The following C4orf51 variants were observed in gnomAD, a reference collection of about 807,000 sequenced individuals.
The protein encoded by C4orf51 is chromosome 4 open reading frame 51.
A neutral mutation model predicts 25.2 loss-of-function variants in C4orf51; 25 were observed. That is an observed-to-expected ratio of 0.99 (90% CI 0.72 to 1.39). The LOEUF (loss-of-function observed/expected upper bound fraction) is 1.39. Ranked by LOEUF, C4orf51 falls within the 40% of genes most tolerant of loss-of-function variation. The pLI, the probability that C4orf51 is intolerant of heterozygous loss-of-function variation, is 0.00. For synonymous variants in C4orf51, 100 were observed against 84.5 expected (o/e 1.18, Z -1.01); for missense variants, 252 against 239.6 (o/e 1.05, Z -0.34).
At chr4:145,753,112 C>T (rs1051336195) in intron 1 of C4orf51, among the ~76,000 whole-genome samples, 38 of 150,938 alleles carry the variant, frequency 2.5e-4, no homozygotes, top group African/African-American at 8.8e-4. Context: ...TGTGATTGCT[C>T]ACCTGATTTT....
intron 1 of C4orf51, among the ~76,000 whole-genome samples, chr4:145,746,274 C>G (rs778458991): frequency 3.4e-4 from 51 of 152,116 alleles, no homozygotes; most frequent in Non-Finnish European, 5.7e-4. Flanking sequence ...TGGGGTATAA[C>G]TCAAGAAATC....
intron 2 of C4orf51, among the ~76,000 whole-genome samples, chr4:145,716,945 T>C (rs1731450558): frequency 6.6e-6 from 1 of 152,178 alleles, no homozygotes; most frequent in Non-Finnish European, 1.5e-5. Flanking sequence ...GTAAAGAACA[T>C]AAAATTGAAA....
the C4orf51 span, among the ~76,000 whole-genome samples, chr4:145,779,963 A>C: frequency 6.6e-6 from 1 of 152,154 alleles, no homozygotes; most frequent in Non-Finnish European, 1.5e-5. Flanking sequence ...GGCTGAGGCG[A>C]GTAGATCACT....
At chr4:145,687,492 G>T (rs1467275439) in intron 1 of C4orf51, among the ~76,000 whole-genome samples, 1 of 152,036 alleles carries the variant, frequency 6.6e-6, no homozygotes, top group Admixed American at 6.6e-5. Context: ...AAATTTTCAG[G>T]GTTCACATCT....
intron 1 of C4orf51, among the ~76,000 whole-genome samples, chr4:145,691,526 A>C (rs1460413619): frequency 6.6e-6 from 1 of 152,240 alleles, no homozygotes; most frequent in Non-Finnish European, 1.5e-5. Context: ...ACCATAGCAA[A>C]GACATGGAAT....
At chr4:145,724,353 T>C (rs1403244985) in intron 2 of C4orf51, among the ~76,000 whole-genome samples, 1 of 152,200 alleles carries the variant, frequency 6.6e-6, no homozygotes, top group Non-Finnish European at 1.5e-5. Flanking sequence ...TTCTTGAATT[T>C]AGCTAAGTAA....
At chr4:145,689,659 A>G (rs1449043657) in intron 1 of C4orf51, among the ~76,000 whole-genome samples, 1 of 152,164 alleles carries the variant, frequency 6.6e-6, no homozygotes, top group Non-Finnish European at 1.5e-5. Flanking sequence ...GACTATTAAT[A>G]TTAAGTGTCA....
intron 1 of C4orf51, among the ~76,000 whole-genome samples, chr4:145,767,188 TAAGTA>T (rs2126881845): frequency 6.6e-6 from 1 of 152,306 alleles, no homozygotes; most frequent in South Asian, 2.1e-4. Flanking sequence ...TTCAAGAAGT[TAAGTA>T]GAGACATGGA....
chr4:145,763,811 T>A lies in C4orf51; in HGVS notation n.167-7177T>A, dbSNP rs527664141. 2.6e-5 allele frequency among the ~76,000 whole-genome samples: 4 copies of A among 152,334 alleles called. No homozygotes were observed. In the South Asian group the frequency reaches 8.3e-4, roughly 32 times the overall value. On this transcript the variant is annotated intron_variant and non_coding_transcript_variant, in intron 1 of 1. Transcript: ENST00000510096. This position sits in a 1 kb window ranked among gnomAD's most constrained non-coding sequence, Gnocchi z 4.6. ...TCCTAGGCATTTCCCATCTACTGGT[T>A]TCCTTGAATTATAATCACCCCCTCC...
At chr4:145,726,439 G>A (rs1403671508) in intron 2 of C4orf51, among the ~76,000 whole-genome samples, 1 of 152,102 alleles carries the variant, frequency 6.6e-6, no homozygotes, top group Non-Finnish European at 1.5e-5. Flanking sequence ...GTCTTGCTCT[G>A]TTGCCCAGGC....
intron 2 of C4orf51, among the ~76,000 whole-genome samples, chr4:145,698,989 G>T (rs1321755918): frequency 6.6e-6 from 1 of 151,776 alleles, no homozygotes; most frequent in African/African-American, 2.4e-5. Flanking sequence ...GCCGGTCCTT[G>T]CCTTAACTGA....
Position 145,765,448 on chromosome 4 carries a change from T to C in C4orf51, n.167-5540T>C. The C allele has an allele frequency of 7.2e-7, 1 of 1,389,166 alleles. No individual in the cohort carries two copies. The highest frequency in any genetic ancestry group is 2.3e-5 in the East Asian group (1 of 42,614). 86.1% of individuals were successfully genotyped at this position (1,389,166 alleles called of 1,614,324 possible). On this transcript the variant is annotated intron_variant and non_coding_transcript_variant, in intron 1 of 1. Coordinates refer to the C4orf51 transcript ENST00000510096. The surrounding 1 kb of genome is among the most constrained non-coding windows in gnomAD (Gnocchi z 4.7). The stretch of plus-strand genomic sequence containing the variant: ...CCAGCATACTGCATCCTGGGCCTAT[T>C]ATCAGTTTTTGACATCGCTCCTGTG...
chr4:145,779,581 A>C, the C4orf51 span: 2 of 1,566,136 alleles, frequency 1.3e-6, no homozygotes, highest in African/African-American at 2.7e-5. Flanking sequence ...GTCAACATTC[A>C]GGATTTCAGC....
chr4:145,750,773 C>G (rs1361757466), intron 1 of C4orf51, among the ~76,000 whole-genome samples: 2 of 152,112 alleles, frequency 1.3e-5, no homozygotes, highest in Admixed American at 1.3e-4. Flanking sequence ...GCCAATAACT[C>G]TTAGATTTGC....
intron 1 of C4orf51, among the ~76,000 whole-genome samples, chr4:145,692,258 C>A (rs1729628102): frequency 6.6e-6 from 1 of 152,132 alleles, no homozygotes; most frequent in African/African-American, 2.4e-5. Context: ...TAAGAAAAAA[C>A]TATGGTTCCA....
chr4:145,761,694 C>G lies in C4orf51; in HGVS notation n.167-9294C>G, dbSNP rs537832563. On this transcript the variant is annotated intron_variant and non_coding_transcript_variant, in intron 1 of 1. Transcript: ENST00000510096. This position sits in a 1 kb window ranked among gnomAD's most constrained non-coding sequence, Gnocchi z 6.8. ...CACCAGCCTTCCCTCACACCACCCC[C>G]CAGTGTCTGAGGCCTGGCCTGCCCA... 1.7e-5 allele frequency: 13 copies of G among 781,522 alleles called. No individual in the cohort carries two copies. The Admixed American group carries it at 3.4e-4, about 21-fold the overall frequency. 48.4% of individuals were successfully genotyped at this position (781,522 alleles called of 1,614,324 possible). A position where few individuals can be genotyped will look rare whatever the true frequency, so the allele number is the denominator to read the frequency against.
In C4orf51 at chr4:145,763,989, C is replaced by T. The variant is rs1290169343; in HGVS notation, n.167-6999C>T. ...CCAACCTGCACTGACCCCAACACTCCACTCCCAGGGTCTTTTCCATCTCTC... is the reference window on the plus strand; with the variant it reads ...CCAACCTGCACTGACCCCAACACTCTACTCCCAGGGTCTTTTCCATCTCTC... On this transcript the variant is annotated intron_variant and non_coding_transcript_variant, in intron 1 of 1. Coordinates refer to the C4orf51 transcript ENST00000510096. The surrounding 1 kb of genome is among the most constrained non-coding windows in gnomAD (Gnocchi z 4.6). 2.0e-5 allele frequency among the ~76,000 whole-genome samples: 3 copies of T among 152,166 alleles called. No individual in the cohort carries two copies. The East Asian group carries it at 5.8e-4, about 29-fold the overall frequency.
At chr4:145,714,104 G>T (rs767380714) in intron 2 of C4orf51, among the ~76,000 whole-genome samples, 3 of 152,132 alleles carry the variant, frequency 2.0e-5, no homozygotes, top group Non-Finnish European at 4.4e-5. Context: ...TAGACATAAT[G>T]CTATTGCACA....
chr4:145,767,825 A>C (rs910331863), intron 1 of C4orf51, among the ~76,000 whole-genome samples: 1 of 152,250 alleles, frequency 6.6e-6, no homozygotes, highest in East Asian at 1.9e-4. Flanking sequence ...GAAGGAATTC[A>C]TCACCAGCAG....
Sources: gnomAD v4.1 joint callset for allele counts (sites outside exome capture counted in the v4.1 genomes callset) on GRCh38, gnomAD v4.1.1 for gene constraint, Gnocchi (gnomAD v3.1) non-coding constraint, MANE v1.5 for transcripts, NCBI Gene and HGNC (gene_info 2026-07-23, HGNC 2026-07-21) for gene names.